The following LRRC37A2 variants were observed in gnomAD, a reference collection of about 807,000 sequenced individuals.
The protein encoded by LRRC37A2 is leucine-rich repeat-containing protein 37A2.
Under a neutral mutation model 68.8 loss-of-function variants are expected in LRRC37A2, and 9 were observed. The observed-to-expected ratio is 0.13, with a 90% CI of 0.08 to 0.23. The LOEUF is 0.23. LRRC37A2 is among the 10% of genes least tolerant of loss of function. LRRC37A2 has a pLI of 1.00. For synonymous variants in LRRC37A2, 63 were observed against 367.6 expected (o/e 0.17, Z 9.48); for missense variants, 168 against 950.4 (o/e 0.18, Z 10.82).
At chr17:46,498,904 T>TAC in the LRRC37A2 span, among the ~76,000 whole-genome samples, 3 of 150,914 alleles carry the variant, frequency 2.0e-5, 1 homozygote, top group African/African-American at 7.4e-5. Context: ...TACATATATA[T>TAC]ACATATATAT....
At chr17:47,022,097 T>G in the LRRC37A2 span, among the ~76,000 whole-genome samples, 66 of 151,166 alleles carry the variant, frequency 4.4e-4, no homozygotes, top group Non-Finnish European at 8.0e-4. Flanking sequence ...TAGGCTCTCT[T>G]TAAAATAAGA....
the LRRC37A2 span, among the ~76,000 whole-genome samples, chr17:46,840,041 T>C: frequency 2.0e-5 from 3 of 148,950 alleles, no homozygotes; most frequent in African/African-American, 7.5e-5. Context: ...CTTTTCTTTC[T>C]TTCTTTCTCT....
the LRRC37A2 span, among the ~76,000 whole-genome samples, chr17:46,806,826 C>T: frequency 1.3e-5 from 2 of 152,270 alleles, no homozygotes; most frequent in African/African-American, 2.4e-5. Flanking sequence ...CTGGCCGCCG[C>T]TCCCCTCTGC....
rs1204528686 is a variant in LRRC37A2, at chr17:46,539,768, CAA to C, written c.2907-387_2907-386del. Among the ~76,000 whole-genome samples the C allele has an allele frequency of 2.5e-3, 169 of 67,012 alleles. 4 individuals carry two copies. Among genetic ancestry groups the C allele is most frequent in the East Asian group, 0.014 (40 of 2,796 alleles). The allele number at this position is 67,012 out of a possible 152,430, so 44.0% of individuals were successfully genotyped here. On this transcript the variant is annotated intron_variant, in intron 6 of 14. Coordinates refer to ENST00000576629, the Ensembl canonical transcript of LRRC37A2. ...GGGCAACAAGAGCGAGACTCCATCT[CAA>C]AAAAAAAAAAAAAAAAAAAATAGAT...
At chr17:46,776,621 C>T in the LRRC37A2 span, among the ~76,000 whole-genome samples, 1 of 152,148 alleles carries the variant, frequency 6.6e-6, no homozygotes, top group African/African-American at 2.4e-5. Context: ...AGCAGCATCT[C>T]CAGCCCAGCC....
chr17:46,721,897 C>T, the LRRC37A2 span: 26 of 1,588,880 alleles, frequency 1.6e-5, no homozygotes, highest in African/African-American at 3.3e-4. Context: ...AGACGACATG[C>T]TTCCCACTGA....
chr17:46,979,054 G>T, the LRRC37A2 span: 1 of 1,338,038 alleles, frequency 7.5e-7, no homozygotes. Context: ...GGGTGCACTG[G>T]GCTGCTCGCC....
chr17:46,923,197 A>C, the LRRC37A2 span: 6 of 1,547,378 alleles, frequency 3.9e-6, no homozygotes, highest in Non-Finnish European at 5.2e-6. Flanking sequence ...GGCGACATGG[A>C]TCCCCTGTTC....
chr17:46,900,196 T>TACATAC, the LRRC37A2 span, among the ~76,000 whole-genome samples: 22 of 105,588 alleles, frequency 2.1e-4, 1 homozygote, highest in African/African-American at 1.1e-3. Flanking sequence ...TATATATATA[T>TACATAC]ATATATACAC....
At chr17:47,036,653 T>A in the LRRC37A2 span, among the ~76,000 whole-genome samples, 1 of 151,150 alleles carries the variant, frequency 6.6e-6, no homozygotes, top group Admixed American at 6.6e-5. Context: ...TTTCCATAAA[T>A]GTGAGGGTTT....
chr17:46,953,976 T>C, the LRRC37A2 span, among the ~76,000 whole-genome samples: 1 of 152,226 alleles, frequency 6.6e-6, no homozygotes, highest in Non-Finnish European at 1.5e-5. Context: ...TTTCTCCCAT[T>C]CTGTAGGTTG....
intron 3 of LRRC37A2, among the ~76,000 whole-genome samples, chr17:46,517,680 CTTTTTTT>C (rs1180779573): frequency 1.4e-3 from 1 of 706 alleles, no homozygotes; most frequent in African/African-American, 0.015. Context: ...TTTTTGTTCT[CTTTTTTT>C]TTTTTTTTTT....
At chr17:47,011,904 G>A in the LRRC37A2 span, among the ~76,000 whole-genome samples, 1 of 152,106 alleles carries the variant, frequency 6.6e-6, no homozygotes, top group Non-Finnish European at 1.5e-5. Context: ...TCCCTCACTG[G>A]AGATGTTAAT....
At chr17:46,964,419 C>G in the LRRC37A2 span, 2 of 152,296 alleles carry the variant, frequency 1.3e-5, no homozygotes, top group Non-Finnish European at 1.5e-5. Flanking sequence ...CTGCGAGCCT[C>G]TAAGAGCAGC....
the LRRC37A2 span, chr17:46,876,941 CCCCAA>C: frequency 7.6e-7 from 1 of 1,320,850 alleles, no homozygotes; most frequent in Non-Finnish European, 9.6e-7. Flanking sequence ...ACCCAAGCAT[CCCCAA>C]CCTTGTTGAG....
chr17:47,015,959 T>A, the LRRC37A2 span, among the ~76,000 whole-genome samples: 7 of 152,108 alleles, frequency 4.6e-5, no homozygotes, highest in African/African-American at 1.4e-4. Flanking sequence ...ATTTTATTTT[T>A]TTGAGATGGA....
chr17:46,935,368 C>T, the LRRC37A2 span: 2 of 1,447,068 alleles, frequency 1.4e-6, no homozygotes, highest in Non-Finnish European at 1.8e-6. Flanking sequence ...TTTGCCAGTG[C>T]TTGAAACAAA....
the LRRC37A2 span, among the ~76,000 whole-genome samples, chr17:46,740,724 C>A: frequency 6.6e-6 from 1 of 150,726 alleles, no homozygotes. Flanking sequence ...TACAATGGCA[C>A]GATTTCGGCT....
chr17:46,956,976 G>T, the LRRC37A2 span, among the ~76,000 whole-genome samples: 19 of 152,152 alleles, frequency 1.2e-4, no homozygotes, highest in Non-Finnish European at 2.6e-4. Context: ...AAAGGTTGCG[G>T]GGGTGAGCTG....
Sources: gnomAD v4.1 joint callset for allele counts (sites outside exome capture counted in the v4.1 genomes callset) on GRCh38, gnomAD v4.1.1 for gene constraint, MANE v1.5 for transcripts, NCBI Gene and HGNC (gene_info 2026-07-23, HGNC 2026-07-21) for gene names.